Variants in DPH6 observed in about 807,000 individuals in gnomAD.
DPH6 encodes the protein diphthine--ammonia ligase.
Under a neutral mutation model 38.2 loss-of-function variants are expected in DPH6, and 33 were observed. That is an observed-to-expected ratio of 0.86 (90% CI 0.65 to 1.15). The LOEUF (loss-of-function observed/expected upper bound fraction) is 1.15, where lower values mean the gene tolerates loss of function less well. Among genes scored for constraint, DPH6 ranks in the 50% most tolerant of loss-of-function variants. DPH6 has a pLI of 0.00. For missense variants in DPH6, 325 were observed against 320.0 expected, an observed-to-expected ratio of 1.02 and a Z score of -0.12; for synonymous variants, 108 against 103.0, an observed-to-expected ratio of 1.05 and a Z score of -0.30.
At chr15:35,206,790 G>GT in the DPH6 span, among the ~76,000 whole-genome samples, 3 of 152,058 alleles carry the variant, frequency 2.0e-5, no homozygotes, top group African/African-American at 7.2e-5. Flanking sequence ...TCAGAACTCA[G>GT]AGTCCTTGTA....
At chr15:35,247,024 TAAAAC>T (rs1035788644) in intron 3 of DPH6, among the ~76,000 whole-genome samples, 2 of 152,172 alleles carry the variant, frequency 1.3e-5, no homozygotes, top group African/African-American at 2.4e-5. Context: ...ATTTTTATGT[TAAAAC>T]AAACTATCTC....
In DPH6 at chr15:35,354,412, T is replaced by C. The variant is rs371610343; in HGVS notation, n.207+19109A>G. The stretch of plus-strand genomic sequence containing the variant: ...TGCCCATTCAGTATGATATTGGCTG[T>C]GGGTTTGTCATAGATAGCTCTTATT... On this transcript the variant is annotated intron_variant and non_coding_transcript_variant, in intron 3 of 3. Transcript: ENST00000558973. Among the ~76,000 whole-genome samples the C allele has an allele frequency of 1.6e-4, 24 of 152,306 alleles. 4 individuals carry two copies. Among genetic ancestry groups the C allele is most frequent in the East Asian group, 1.2e-3 (6 of 5,194 alleles).
chr15:35,402,573 C>T (rs1310873184), intron 6 of DPH6, among the ~76,000 whole-genome samples: 1 of 151,922 alleles, frequency 6.6e-6, no homozygotes, highest in Admixed American at 6.6e-5. Flanking sequence ...TAAAATTTAC[C>T]TTCTCTTTGG....
At chr15:35,470,794 A>G (rs1438599312) in intron 3 of DPH6, among the ~76,000 whole-genome samples, 1 of 152,216 alleles carries the variant, frequency 6.6e-6, no homozygotes, top group Non-Finnish European at 1.5e-5. Flanking sequence ...AGAACAAAAC[A>G]AAACAAAAAC....
chr15:35,329,530 C>T (rs867662219), downstream of DPH6, among the ~76,000 whole-genome samples: 30 of 152,186 alleles, frequency 2.0e-4, 1 homozygote, highest in Admixed American at 5.2e-4. Flanking sequence ...AATCAATTAA[C>T]CTTGCAAAGG....
chr15:35,529,887 A>G (rs1566942198), intron 3 of DPH6, among the ~76,000 whole-genome samples: 1 of 151,872 alleles, frequency 6.6e-6, no homozygotes, highest in Non-Finnish European at 1.5e-5. Flanking sequence ...CTATTAAACC[A>G]TTTCTAACCA....
At chr15:35,164,928 A>G in the DPH6 span, among the ~76,000 whole-genome samples, 1 of 151,924 alleles carries the variant, frequency 6.6e-6, no homozygotes, top group East Asian at 1.9e-4. Context: ...CTTAACTATG[A>G]ATCTTTTAGG....
chr15:35,488,315 TG>T (rs2054431896), intron 3 of DPH6, among the ~76,000 whole-genome samples: 1 of 152,188 alleles, frequency 6.6e-6, no homozygotes, highest in African/African-American at 2.4e-5. Context: ...CCCAAACTCC[TG>T]GTACCAATTT....
At chr15:35,502,485 A>G (rs1365795400) in intron 3 of DPH6, among the ~76,000 whole-genome samples, 1 of 152,036 alleles carries the variant, frequency 6.6e-6, no homozygotes. Context: ...CTAAACTATA[A>G]GCATTCCACT....
At chr15:35,321,128 G>A (rs1383680135) in intron 3 of DPH6, among the ~76,000 whole-genome samples, 3 of 152,240 alleles carry the variant, frequency 2.0e-5, no homozygotes, top group Non-Finnish European at 4.4e-5. Context: ...TTTTAGCAGA[G>A]TTCAGTTTCC....
the DPH6 span, among the ~76,000 whole-genome samples, chr15:35,180,848 C>T: frequency 6.6e-6 from 1 of 152,046 alleles, no homozygotes; most frequent in Non-Finnish European, 1.5e-5. Context: ...CTTTAGTAAA[C>T]AATTTTAATA....
chr15:35,188,016 C>T, the DPH6 span, among the ~76,000 whole-genome samples: 1 of 152,114 alleles, frequency 6.6e-6, no homozygotes, highest in Non-Finnish European at 1.5e-5. Flanking sequence ...GGTGCTGCTA[C>T]AGTAGGTAGC....
rs144073695 is a variant in DPH6, at chr15:35,390,077, G to C, written c.568-8161C>G. Among the ~76,000 whole-genome samples the C allele has an allele frequency of 5.2e-3, 784 of 152,206 alleles. 6 individuals are homozygous for C. Among genetic ancestry groups the C allele is most frequent in the Admixed American group, 0.011 (165 of 15,286 alleles). ...TCTCAGCATTTGGTTGTCTGTAAAGGATTTTATTTCTCCTTCTCTTATGAA... is the reference window on the plus strand; with the variant it reads ...TCTCAGCATTTGGTTGTCTGTAAAGCATTTTATTTCTCCTTCTCTTATGAA... On this transcript the variant is annotated intron_variant, in intron 6 of 8. Coordinates refer to ENST00000256538, the MANE Select transcript of DPH6 (RefSeq NM_080650.4).
chr15:35,159,309 C>G, the DPH6 span, among the ~76,000 whole-genome samples: 1 of 152,048 alleles, frequency 6.6e-6, no homozygotes, highest in Non-Finnish European at 1.5e-5. Flanking sequence ...CTCATTCCTT[C>G]TTGACCATTC....
chr15:35,515,293 A>G (rs967140635), intron 3 of DPH6, among the ~76,000 whole-genome samples: 1 of 152,120 alleles, frequency 6.6e-6, no homozygotes, highest in African/African-American at 2.4e-5. Context: ...GAACAAAATC[A>G]TCTGAAAAAG....
At chr15:35,321,917 T>G (rs1186069729) in intron 3 of DPH6, among the ~76,000 whole-genome samples, 1 of 152,178 alleles carries the variant, frequency 6.6e-6, no homozygotes, top group Non-Finnish European at 1.5e-5. Flanking sequence ...AAGTTATCAC[T>G]CAAATATGTC....
At chr15:35,187,728 G>GT in the DPH6 span, among the ~76,000 whole-genome samples, 1 of 152,238 alleles carries the variant, frequency 6.6e-6, no homozygotes, top group African/African-American at 2.4e-5. Flanking sequence ...GCTCATGCCT[G>GT]TAATCCCAAC....
intron 3 of DPH6, among the ~76,000 whole-genome samples, chr15:35,534,247 C>T (rs985815137): frequency 2.0e-5 from 3 of 151,466 alleles, no homozygotes; most frequent in African/African-American, 4.9e-5. Flanking sequence ...CATGGTGGTG[C>T]ATGCCTGTAA....
In DPH6 at chr15:35,250,419, C is replaced by T. The variant is rs561369803; in HGVS notation, n.201-29837G>A. The stretch of plus-strand genomic sequence containing the variant: ...GTCAGAGAAACTGGCATTTAATAAA[C>T]ATCAAACCAAGAGTTTGGGTTTATT... On this transcript the variant is annotated intron_variant and non_coding_transcript_variant, in intron 3 of 3. Transcript: ENST00000560386. Among the ~76,000 whole-genome samples, 5 of 152,138 alleles carry T rather than the reference C, an allele frequency of 3.3e-5. No individual in the cohort carries two copies. The South Asian group carries it at 1.0e-3, about 32-fold the overall frequency.
Sources: gnomAD v4.1 joint callset for allele counts (sites outside exome capture counted in the v4.1 genomes callset) on GRCh38, gnomAD v4.1.1 for gene constraint, MANE v1.5 for transcripts, NCBI Gene and HGNC (gene_info 2026-07-23, HGNC 2026-07-21) for gene names.